CMIP: variants seen among roughly 807,000 people sequenced by gnomAD.
CMIP encodes c-Maf inducing protein.
CMIP carries 13 observed loss-of-function variants against 97.3 expected under a neutral mutation model. The ratio of observed to expected loss-of-function variants is 0.13; its 90% CI spans 0.09 to 0.21. The LOEUF (loss-of-function observed/expected upper bound fraction) is 0.21, where lower values mean the gene tolerates loss of function less well. Among genes scored for constraint, CMIP ranks in the 10% least tolerant of loss-of-function variants. The pLI, the probability that CMIP is intolerant of heterozygous loss-of-function variation, is 1.00. For missense variants in CMIP, 847 were observed against 1,024.9 expected (o/e 0.83, Z 2.37); for synonymous variants, 538 against 436.3 (o/e 1.23, Z -2.91).
chr16:81,465,496 C>T (rs1907149491), intron 1 of CMIP, among the ~76,000 whole-genome samples: 2 of 152,206 alleles, frequency 1.3e-5, no homozygotes, highest in South Asian at 2.1e-4. Flanking sequence ...GGACCCCGTA[C>T]GTTTGTTACC....
Position 81,683,958 on chromosome 16 carries a change from G to A in CMIP, c.1388+5330G>A, listed in dbSNP as rs138947305. Reference sequence around the variant, plus strand: ...GTATTTTTAGTAGAGATGGGGTTTCGCCATGTTGACCAGGCTGGTCTCGAA... The same window carrying A: ...GTATTTTTAGTAGAGATGGGGTTTCACCATGTTGACCAGGCTGGTCTCGAA... On this transcript the variant is annotated intron_variant, in intron 10 of 20. Transcript: ENST00000537098. Among the ~76,000 whole-genome samples, 809 of 151,012 alleles carry A rather than the reference G, an allele frequency of 5.4e-3. 3 individuals are homozygous for A. Among genetic ancestry groups the A allele is most frequent in the African/African-American group, 0.018 (757 of 41,174 alleles).
chr16:81,555,369 C>T (rs532564628), intron 1 of CMIP, among the ~76,000 whole-genome samples: 2 of 152,236 alleles, frequency 1.3e-5, no homozygotes, highest in Non-Finnish European at 1.5e-5. Context: ...TCAGGCACAG[C>T]AGAAAGCCAG....
chr16:81,579,786 C>T (rs2150903406), intron 1 of CMIP, among the ~76,000 whole-genome samples: 1 of 152,264 alleles, frequency 6.6e-6, no homozygotes, highest in East Asian at 1.9e-4. Flanking sequence ...AACCCCGTCT[C>T]TACTGAAAAA....
At chr16:81,607,347 C>T (rs2091760847) in intron 1 of CMIP, among the ~76,000 whole-genome samples, 1 of 152,216 alleles carries the variant, frequency 6.6e-6, no homozygotes, top group Non-Finnish European at 1.5e-5. Flanking sequence ...TCTGCACCTC[C>T]AAACGTGTGG....
In CMIP at chr16:81,614,884, CAT is replaced by C. The variant is rs1190374018; in HGVS notation, c.427-5991_427-5990del. Among the ~76,000 whole-genome samples, 3 of 146,014 alleles carry C rather than the reference CAT, an allele frequency of 2.1e-5. No individual in the cohort carries two copies. Among genetic ancestry groups the C allele is most frequent in the Non-Finnish European group, 3.0e-5 (2 of 66,314 alleles). ...TGTGTGCATGTGTGTGTGGTATGTGCATGTGTGTGTGTCCTGTGTCTATATGT... is the reference window on the plus strand; with the variant it reads ...TGTGTGCATGTGTGTGTGGTATGTGCGTGTGTGTGTCCTGTGTCTATATGT... On this transcript the variant is annotated intron_variant, in intron 2 of 20. Transcript: ENST00000537098. This position sits in a 1 kb window ranked among gnomAD's most constrained non-coding sequence, Gnocchi z 5.3.
chr16:81,653,171 G>C (rs1458609409), intron 4 of CMIP, among the ~76,000 whole-genome samples: 2 of 152,222 alleles, frequency 1.3e-5, no homozygotes, highest in Non-Finnish European at 2.9e-5. Flanking sequence ...GAACACTGGA[G>C]TTGATGACTC....
intron 1 of CMIP, among the ~76,000 whole-genome samples, chr16:81,481,543 A>G (rs535473372): frequency 3.3e-5 from 5 of 152,346 alleles, no homozygotes; most frequent in African/African-American, 9.6e-5. Flanking sequence ...GGATGGGGCC[A>G]TGCCAGGGCC....
rs2091983380 is a variant in CMIP at position 81,620,873 on chromosome 16, C to T, written c.427-3C>T. 34 of 1,613,980 alleles carry T rather than the reference C, an allele frequency of 2.1e-5. No homozygotes were observed. Among genetic ancestry groups the T allele is most frequent in the Non-Finnish European group, 2.8e-5 (33 of 1,179,882 alleles). ...CCTTGCTGTCCTGTTCTTGTCGTTA[C>T]AGGCTGCCAATAGCTACCTGCGAGA... On this transcript the variant is annotated splice_polypyrimidine_tract_variant and splice_region_variant and intron_variant, in intron 2 of 20. Transcript: ENST00000537098.
intron 17 of CMIP, 131 bp downstream of exon 17, chr16:81,702,800 C>CCTG: frequency 1.3e-6 from 1 of 751,574 alleles, no homozygotes; most frequent in Non-Finnish European, 2.3e-6. Flanking sequence ...CCCCCTAGTA[C>CCTG]TTAACACGCC....
At chr16:81,690,614 C>T (rs945489980) in intron 10 of CMIP, among the ~76,000 whole-genome samples, 2 of 152,108 alleles carry the variant, frequency 1.3e-5, no homozygotes, top group Non-Finnish European at 2.9e-5. Flanking sequence ...AGCAATTATC[C>T]TGCCTCAGCC....
intron 1 of CMIP, among the ~76,000 whole-genome samples, chr16:81,486,763 G>A (rs939348248): frequency 3.9e-5 from 6 of 152,250 alleles, no homozygotes; most frequent in African/African-American, 9.6e-5. Context: ...TGTTGCAGAT[G>A]TCCTGGCCAA....
chr16:81,471,214 A>G (rs946353477), intron 1 of CMIP, among the ~76,000 whole-genome samples: 2 of 151,494 alleles, frequency 1.3e-5, no homozygotes, highest in Non-Finnish European at 2.9e-5. Context: ...GCGCACACAC[A>G]TACATGTACA....
chr16:81,601,258 G>T (rs9925501), intron 1 of CMIP, among the ~76,000 whole-genome samples: 1 of 152,130 alleles, frequency 6.6e-6, no homozygotes, highest in South Asian at 2.1e-4. Flanking sequence ...CATGTTTTGA[G>T]TCAGCCTGGA....
intron 1 of CMIP, among the ~76,000 whole-genome samples, chr16:81,507,025 G>C (rs1227507832): frequency 6.6e-6 from 1 of 152,134 alleles, no homozygotes; most frequent in East Asian, 1.9e-4. Context: ...GGCCGAGGTA[G>C]GTGGATCACG....
intron 1 of CMIP, among the ~76,000 whole-genome samples, chr16:81,520,900 G>A (rs186709892): frequency 5.5e-4 from 84 of 152,262 alleles, no homozygotes; most frequent in Admixed American, 4.4e-3. Flanking sequence ...TGGGTCTCCC[G>A]TAGGAGCTGC....
intron 9 of CMIP, among the ~76,000 whole-genome samples, chr16:81,676,999 C>T (rs556079123): frequency 6.6e-6 from 1 of 152,322 alleles, no homozygotes; most frequent in Admixed American, 6.5e-5. Flanking sequence ...CAACCTTGAC[C>T]ACACACGAGG....
chr16:81,481,718 G>A (rs1184709963), intron 1 of CMIP, among the ~76,000 whole-genome samples: 4 of 152,124 alleles, frequency 2.6e-5, no homozygotes, highest in African/African-American at 7.2e-5. Context: ...GAGTCTCGTA[G>A]GGGCTAAAGT....
chr16:81,703,557 A>G (rs1907660384), intron 17 of CMIP, among the ~76,000 whole-genome samples: 2 of 151,912 alleles, frequency 1.3e-5, no homozygotes, highest in Non-Finnish European at 1.5e-5. Context: ...ACACATGCAT[A>G]CACAAACGTG....
intron 1 of CMIP, among the ~76,000 whole-genome samples, chr16:81,555,602 A>G (rs865980945): frequency 8.5e-5 from 13 of 152,212 alleles, no homozygotes; most frequent in African/African-American, 3.1e-4. Context: ...GGGCCCGGAG[A>G]GATCTGAGAT....
Sources: gnomAD v4.1 joint callset for allele counts (sites outside exome capture counted in the v4.1 genomes callset) on GRCh38, gnomAD v4.1.1 for gene constraint, Gnocchi (gnomAD v3.1) non-coding constraint, MANE v1.5 for transcripts, NCBI Gene and HGNC (gene_info 2026-07-23, HGNC 2026-07-21) for gene names.